ERG: variants seen among roughly 807,000 people sequenced by gnomAD.
ERG encodes transcriptional regulator ERG.
Under a neutral mutation model 55.3 loss-of-function variants are expected in ERG, and 9 were observed. That is an observed-to-expected ratio of 0.16 (90% confidence interval 0.10 to 0.28). The LOEUF (loss-of-function observed/expected upper bound fraction) is 0.28, where lower values mean the gene tolerates loss of function less well. ERG is among the 10% of genes least tolerant of loss of function. The pLI, the probability that ERG is intolerant of heterozygous loss-of-function variation, is 1.00. For synonymous variants in ERG, 223 were observed against 237.3 expected, an observed-to-expected ratio of 0.94 and a Z score of 0.55; for missense variants, 434 against 631.6, an observed-to-expected ratio of 0.69 and a Z score of 3.35.
chr21:38,378,843 G>T (rs1430691065), downstream of ERG, among the ~76,000 whole-genome samples: 1 of 152,160 alleles, frequency 6.6e-6, no homozygotes, highest in Non-Finnish European at 1.5e-5. Flanking sequence ...AAAGCTTTTG[G>T]AATTAACTAG....
At chr21:38,394,354 ATCTT>A (rs1569061554) in intron 6 of ERG, among the ~76,000 whole-genome samples, 25 of 151,604 alleles carry the variant, frequency 1.6e-4, no homozygotes, top group African/African-American at 5.6e-4. Context: ...TTTGTTTATT[ATCTT>A]TTTTTTTTTT....
At chr21:38,648,299 T>C (rs966744567) in intron 1 of ERG, among the ~76,000 whole-genome samples, 1 of 152,208 alleles carries the variant, frequency 6.6e-6, no homozygotes, top group Non-Finnish European at 1.5e-5. Flanking sequence ...GTAGCCTGTA[T>C]TTCAAATGGG....
At chr21:38,483,708 C>T (rs960945593) in intron 1 of ERG, among the ~76,000 whole-genome samples, 1 of 151,776 alleles carries the variant, frequency 6.6e-6, no homozygotes, top group African/African-American at 2.4e-5. Context: ...AACAAACAAA[C>T]AAAAAATAGC....
intron 1 of ERG, among the ~76,000 whole-genome samples, chr21:38,641,510 T>C (rs1275747514): frequency 6.6e-6 from 1 of 152,184 alleles, no homozygotes; most frequent in African/African-American, 2.4e-5. Flanking sequence ...ATCTGCCCCT[T>C]CCCACCACAG....
At chr21:38,529,780 C>T (rs563064824) in intron 2 of ERG, among the ~76,000 whole-genome samples, 393 of 152,142 alleles carry the variant, frequency 2.6e-3, no homozygotes, top group Non-Finnish European at 3.8e-3. Context: ...GCCTGGCCAA[C>T]GTGGTGTTAC....
At chr21:38,384,191 C>T (rs907597660) in intron 9 of ERG, among the ~76,000 whole-genome samples, 7 of 152,222 alleles carry the variant, frequency 4.6e-5, no homozygotes, top group Admixed American at 6.5e-5. Flanking sequence ...CGGGGTACCA[C>T]GGGCCGGCCC....
intron 3 of ERG, among the ~76,000 whole-genome samples, chr21:38,418,281 G>GTGTGTC (rs10692328): frequency 0.36 from 54,791 of 150,660 alleles, 11,150 homozygotes; most frequent in Non-Finnish European, 0.47. Context: ...GTGTGTGTGT[G>GTGTGTC]TGTGTGTGTG....
intron 1 of ERG, among the ~76,000 whole-genome samples, chr21:38,604,142 T>C (rs1053828138): frequency 4.0e-5 from 6 of 151,190 alleles, no homozygotes; most frequent in Non-Finnish European, 7.4e-5. Context: ...GGTTCCCAGC[T>C]ATTCGGGAGG....
In ERG at chr21:38,382,226, A is replaced by G. The variant is rs1240366924; in HGVS notation, c.*1177T>C. ...TAAATGCATAAGTTATATAATTATT[A>G]TATAAAAAGGGGGAAAAACATTGAC... On this transcript the variant is annotated 3_prime_UTR_variant, in exon 10 of 10. Coordinates refer to ENST00000288319, the MANE Select transcript of ERG (RefSeq NM_182918.4). 1.5e-5 allele frequency: 16 copies of G among 1,047,550 alleles called. No homozygotes were observed. Among genetic ancestry groups the G allele is most frequent in the Non-Finnish European group, 1.7e-5 (15 of 867,502 alleles). The allele number at this position is 1,047,550 out of a possible 1,614,324, so 64.9% of individuals were successfully genotyped here. A position where few individuals can be genotyped will look rare whatever the true frequency, so the allele number is the denominator to read the frequency against.
rs550728701 is a variant in ERG at position 38,600,462 on chromosome 21, C to T, written c.-149-15517G>A. Among the ~76,000 whole-genome samples the T allele has an allele frequency of 5.3e-5, 8 of 152,236 alleles. No homozygotes were observed. In the East Asian group the frequency reaches 1.4e-3, roughly 26 times the overall value. ...AGTGTCTCCCGGTCCCTGTTTGCTCCACAGGAGAAAGACCCTCCAGAGTGC... is the reference window on the plus strand; with the variant it reads ...AGTGTCTCCCGGTCCCTGTTTGCTCTACAGGAGAAAGACCCTCCAGAGTGC... On this transcript the variant is annotated intron_variant, in intron 1 of 10. Coordinates refer to the ERG transcript ENST00000398910.
chr21:38,578,224 T>C (rs1217434030), intron 1 of ERG, among the ~76,000 whole-genome samples: 1 of 152,132 alleles, frequency 6.6e-6, no homozygotes, highest in Non-Finnish European at 1.5e-5. Context: ...CAATAATAAA[T>C]GGGTTGTTGT....
At chr21:38,572,209 A>AT (rs1373766365) in intron 2 of ERG, among the ~76,000 whole-genome samples, 1 of 149,590 alleles carries the variant, frequency 6.7e-6, no homozygotes, top group Non-Finnish European at 1.5e-5. Context: ...AAAAAAAAAA[A>AT]TGCAAAAAAT....
intron 2 of ERG, among the ~76,000 whole-genome samples, chr21:38,554,471 T>C (rs911203208): frequency 1.3e-5 from 2 of 152,124 alleles, no homozygotes; most frequent in Admixed American, 6.5e-5. Context: ...TACACAAACA[T>C]TACAGAATAC....
intron 1 of ERG, among the ~76,000 whole-genome samples, chr21:38,655,306 C>A (rs1488693958): frequency 6.6e-6 from 1 of 152,108 alleles, no homozygotes; most frequent in Non-Finnish European, 1.5e-5. Flanking sequence ...ACTCTCATGT[C>A]AAGCAGAATT....
At chr21:38,619,254 G>C (rs756192774) in intron 1 of ERG, among the ~76,000 whole-genome samples, 69 of 152,140 alleles carry the variant, frequency 4.5e-4, no homozygotes, top group Non-Finnish European at 8.4e-4. Context: ...CACACACCTG[G>C]TATCCAGAGA....
chr21:38,444,881 C>T (rs2058875582), intron 2 of ERG, among the ~76,000 whole-genome samples: 1 of 152,138 alleles, frequency 6.6e-6, no homozygotes, highest in Non-Finnish European at 1.5e-5. Context: ...GACACTCTCC[C>T]TTTGTGAAAA....
At chr21:38,394,902 A>G (rs1173472719) in intron 6 of ERG, among the ~76,000 whole-genome samples, 1 of 152,210 alleles carries the variant, frequency 6.6e-6, no homozygotes, top group East Asian at 1.9e-4. Flanking sequence ...TACTACCTTA[A>G]ACATAAAATT....
At chr21:38,521,834 T>C (rs750363560) in intron 2 of ERG, among the ~76,000 whole-genome samples, 2 of 152,216 alleles carry the variant, frequency 1.3e-5, no homozygotes, top group Non-Finnish European at 2.9e-5. Context: ...CAGATAAGTA[T>C]TAAAGGGTGT....
At chr21:38,378,212 T>C (rs1249754594), downstream of ERG, among the ~76,000 whole-genome samples, 2 of 152,230 alleles carry the variant, frequency 1.3e-5, no homozygotes, top group Non-Finnish European at 2.9e-5. Flanking sequence ...TTTCTATGTA[T>C]GGACAACACT....
Sources: gnomAD v4.1 joint callset for allele counts (sites outside exome capture counted in the v4.1 genomes callset) on GRCh38, gnomAD v4.1.1 for gene constraint, MANE v1.5 for transcripts, NCBI Gene and HGNC (gene_info 2026-07-23, HGNC 2026-07-21) for gene names.